Variants in NBEA observed in about 807,000 individuals in gnomAD.
NBEA encodes the protein neurobeachin.
A neutral mutation model predicts 343.4 loss-of-function variants in NBEA; 44 were observed. The observed-to-expected ratio is 0.13, with a 90% CI of 0.10 to 0.16. The LOEUF is 0.16. Among genes scored for constraint, NBEA ranks in the 10% least tolerant of loss-of-function variants. The pLI is 1.00. For synonymous variants in NBEA, 1,175 were observed against 1,238.7 expected, an observed-to-expected ratio of 0.95 and a Z score of 1.08; for missense variants, 2,555 against 3,631.3, an observed-to-expected ratio of 0.70 and a Z score of 7.62.
chr13:35,084,695 A>G (rs571469022), intron 10 of NBEA, among the ~76,000 whole-genome samples: 12 of 152,268 alleles, frequency 7.9e-5, no homozygotes, highest in Admixed American at 7.9e-4. Context: ...GAGTAAACAC[A>G]TTCAAAAGCT....
intron 34 of NBEA, among the ~76,000 whole-genome samples, chr13:35,255,931 C>G (rs2032536249): frequency 1.3e-5 from 2 of 152,250 alleles, no homozygotes; most frequent in Non-Finnish European, 2.9e-5. Flanking sequence ...AGTGACAGAA[C>G]AACTCTTGGG....
Position 35,317,875 on chromosome 13 carries a change from G to A in NBEA, c.5903+8283G>A, listed in dbSNP as rs2037854825. Among the ~76,000 whole-genome samples the A allele has an allele frequency of 2.6e-5, 4 of 152,094 alleles. No individual in the cohort carries two copies. In the South Asian group the frequency reaches 8.3e-4, roughly 32 times the overall value. On this transcript the variant is annotated intron_variant, in intron 36 of 58. Transcript: ENST00000379939. ...ATCTTAGTAGCAGTGGTGAATGGGA[G>A]TTCACTCATGATTTGGCTCTCTGTT...
chr13:35,509,156 C>T (rs1436604099), intron 41 of NBEA, among the ~76,000 whole-genome samples: 1 of 152,200 alleles, frequency 6.6e-6, no homozygotes, highest in East Asian at 1.9e-4. Flanking sequence ...TATGGTTCTG[C>T]AAACCCAACC....
In NBEA at chr13:35,068,878, T is replaced by G. The variant is rs562113804; in HGVS notation, c.1240-1030T>G. On this transcript the variant is annotated intron_variant, in intron 8 of 58. Transcript: ENST00000379939. ...CTTGAGCTGAGGAGTGGGGGCCACT[T>G]TTAGAAAGGACAAATCTTCTCTAGT... 3.9e-5 allele frequency among the ~76,000 whole-genome samples: 6 copies of G among 152,246 alleles called. No homozygotes were observed. The South Asian group carries it at 1.2e-3, about 32-fold the overall frequency.
At chr13:35,302,399 A>G (rs2036613638) in intron 35 of NBEA, among the ~76,000 whole-genome samples, 1 of 152,204 alleles carries the variant, frequency 6.6e-6, no homozygotes, top group Admixed American at 6.5e-5. Context: ...ATAATTGTTC[A>G]TGTAGTTAAC....
chr13:35,464,496 G>A (rs2047068873), intron 40 of NBEA, among the ~76,000 whole-genome samples: 2 of 152,124 alleles, frequency 1.3e-5, no homozygotes, highest in South Asian at 4.1e-4. Context: ...ACCAAAAATA[G>A]GCCGGAAATC....
intron 41 of NBEA, chr13:35,476,070 C>T: frequency 6.2e-7 from 1 of 1,614,204 alleles, no homozygotes. Context: ...TGGCAGCTTT[C>T]CTGGCTTGGC....
chr13:35,106,205 C>G (rs188980357), intron 11 of NBEA, among the ~76,000 whole-genome samples: 1 of 152,052 alleles, frequency 6.6e-6, no homozygotes, highest in East Asian at 1.9e-4. Flanking sequence ...GTATTTCCAT[C>G]TAAAGGTTAC....
In NBEA at chr13:35,126,761, T is replaced by TA. The variant is rs112007131; in HGVS notation, c.2336+3188dup. Among the ~76,000 whole-genome samples the TA allele has an allele frequency of 4.3e-4, 65 of 151,722 alleles. 4 individuals are homozygous for TA. Among genetic ancestry groups the TA allele is most frequent in the African/African-American group, 1.5e-3 (60 of 41,354 alleles). On this transcript the variant is annotated intron_variant, in intron 17 of 58. Transcript: ENST00000379939. ...GGTGAAACACCATCTCTACTAAAAATACAAAAATTAGCCGGGCATGGTGGC... is the reference window on the plus strand; with the variant it reads ...GGTGAAACACCATCTCTACTAAAAATAACAAAAATTAGCCGGGCATGGTGGC...
At chr13:35,584,351 T>C (rs2081192816) in intron 46 of NBEA, among the ~76,000 whole-genome samples, 2 of 148,532 alleles carry the variant, frequency 1.3e-5, no homozygotes, top group Admixed American at 1.4e-4. Context: ...GGTCTCTCAC[T>C]CTGCCACTGA....
intron 25 of NBEA, chr13:35,170,998 T>C: frequency 2.0e-6 from 1 of 500,278 alleles, no homozygotes; most frequent in Non-Finnish European, 3.8e-6. Flanking sequence ...TGAAATGATC[T>C]TAAGTTTAGG....
intron 1 of NBEA, among the ~76,000 whole-genome samples, chr13:35,010,865 CTG>C (rs2061474644): frequency 6.7e-6 from 1 of 148,744 alleles, no homozygotes. Context: ...AAGTTTGAGG[CTG>C]CAGTGAGCCA....
intron 39 of NBEA, among the ~76,000 whole-genome samples, chr13:35,446,272 A>G (rs991116308): frequency 1.3e-5 from 2 of 152,144 alleles, no homozygotes; most frequent in African/African-American, 4.8e-5. Flanking sequence ...TGCCACAATA[A>G]ACATACGTGT....
At chr13:35,063,342 T>C (rs1341874697) in intron 8 of NBEA, among the ~76,000 whole-genome samples, 1 of 151,894 alleles carries the variant, frequency 6.6e-6, no homozygotes, top group African/African-American at 2.4e-5. Flanking sequence ...AAATATATAG[T>C]GTCTATATGG....
intron 1 of NBEA, among the ~76,000 whole-genome samples, chr13:34,981,172 T>A (rs1370300254): frequency 6.6e-6 from 1 of 152,186 alleles, no homozygotes; most frequent in Non-Finnish European, 1.5e-5. Context: ...TCACACAATG[T>A]GTGGTCTTTT....
intron 11 of NBEA, among the ~76,000 whole-genome samples, chr13:35,103,567 G>T (rs1387376102): frequency 7.3e-5 from 11 of 151,556 alleles, no homozygotes; most frequent in Admixed American, 7.2e-4. Context: ...CACTTCTACA[G>T]TTTCCATGAT....
intron 41 of NBEA, among the ~76,000 whole-genome samples, chr13:35,547,005 G>T (rs1292931287): frequency 6.6e-6 from 1 of 152,132 alleles, no homozygotes; most frequent in Non-Finnish European, 1.5e-5. Flanking sequence ...AAAAGAAAAT[G>T]ACCCTAGGCT....
chr13:35,635,126 A>G (rs2083640955), intron 49 of NBEA, among the ~76,000 whole-genome samples: 1 of 152,206 alleles, frequency 6.6e-6, no homozygotes. Context: ...TTAAGGGCCC[A>G]TAATGACAAC....
At chr13:35,037,510 T>G (rs541636448) in intron 1 of NBEA, among the ~76,000 whole-genome samples, 83 of 152,288 alleles carry the variant, frequency 5.5e-4, no homozygotes, top group Admixed American at 5.2e-3. Flanking sequence ...ATTGTACTCT[T>G]CATTGCCTGA....
Sources: allele counts gnomAD v4.1 joint callset (sites outside exome capture counted in the v4.1 genomes callset), GRCh38; gene constraint gnomAD v4.1.1; transcripts MANE v1.5; gene names NCBI Gene and HGNC (gene_info 2026-07-23, HGNC 2026-07-21).